The following GSTCD variants were observed in gnomAD, a reference collection of about 807,000 sequenced individuals.
GSTCD encodes glutathione S-transferase C-terminal domain-containing protein.
GSTCD carries 44 observed loss-of-function variants against 68.3 expected under a neutral mutation model. The observed-to-expected ratio is 0.64, with a 90% CI of 0.51 to 0.83. The LOEUF is 0.83. Among genes scored for constraint, GSTCD ranks in the 40% least tolerant of loss-of-function variants. GSTCD has a pLI of 0.00. For missense variants in GSTCD, 739 were observed against 735.9 expected (o/e 1.00, Z -0.05); for synonymous variants, 273 against 255.2 (o/e 1.07, Z -0.67).
chr4:105,828,944 G>A (rs761102557), intron 8 of GSTCD, among the ~76,000 whole-genome samples: 44 of 152,136 alleles, frequency 2.9e-4, no homozygotes, highest in Admixed American at 1.3e-4. Context: ...AACTGAACCA[G>A]AGAGGCACCA....
chr4:105,814,901 A>G (rs961566829), intron 5 of GSTCD, among the ~76,000 whole-genome samples: 1 of 152,220 alleles, frequency 6.6e-6, no homozygotes, highest in African/African-American at 2.4e-5. Context: ...ACTGGAATGC[A>G]AAACTGCCTT....
At chr4:105,711,107 ATAT>A (rs1322219219) in intron 1 of GSTCD, 1 of 152,196 alleles carries the variant, frequency 6.6e-6, no homozygotes, top group East Asian at 1.9e-4. Flanking sequence ...GGTTAAATCT[ATAT>A]TATTGTAATA....
chr4:105,726,018 C>T (rs1733018612), intron 3 of GSTCD, among the ~76,000 whole-genome samples: 1 of 152,016 alleles, frequency 6.6e-6, no homozygotes, highest in Admixed American at 6.6e-5. Context: ...TAAAACCTAG[C>T]AATTTGACTC....
intron 5 of GSTCD, among the ~76,000 whole-genome samples, chr4:105,758,384 G>A (rs1403036385): frequency 1.3e-5 from 2 of 152,172 alleles, no homozygotes; most frequent in Non-Finnish European, 1.5e-5. Flanking sequence ...GGTCATAGGG[G>A]CAGATCCCTC....
In GSTCD at chr4:105,735,130, G is replaced by T. The variant is rs1316102853; in HGVS notation, c.1240+5631G>T. ...CCAGTTAGGCTACTCGGGGGGTCAG[G>T]GACCCACTTGAGGAGGCAATCTGTC... On this transcript the variant is annotated intron_variant, in intron 5 of 11. Coordinates refer to ENST00000515279, the MANE Select transcript of GSTCD (RefSeq NM_001370181.1). 3.3e-5 allele frequency among the ~76,000 whole-genome samples: 5 copies of T among 152,296 alleles called. No homozygotes were observed. The East Asian group carries it at 9.7e-4, about 29-fold the overall frequency.
At chr4:105,836,918 C>A (rs531642117) in intron 9 of GSTCD, among the ~76,000 whole-genome samples, 171 of 152,258 alleles carry the variant, frequency 1.1e-3, no homozygotes, top group African/African-American at 3.7e-3. Flanking sequence ...GAAAGAAGTA[C>A]TCTTTTCAAA....
intron 5 of GSTCD, among the ~76,000 whole-genome samples, chr4:105,737,473 T>C (rs1478300609): frequency 1.3e-5 from 2 of 152,212 alleles, no homozygotes; most frequent in Non-Finnish European, 2.9e-5. Context: ...CTGTATAGGT[T>C]TTTAGTTCAA....
intron 5 of GSTCD, among the ~76,000 whole-genome samples, chr4:105,789,297 G>T (rs72673812): frequency 0.054 from 8,209 of 152,138 alleles, 275 homozygotes; most frequent in Middle Eastern, 0.14. Flanking sequence ...TTTATACAGC[G>T]AGTATTTATT....
intron 4 of GSTCD, 65 bp downstream of exon 4, chr4:105,726,895 C>A: frequency 8.1e-7 from 1 of 1,238,162 alleles, no homozygotes; most frequent in Non-Finnish European, 1.1e-6. Context: ...CATTCTACTC[C>A]AACTTGTAAT....
chr4:105,832,367 T>C (rs748588714), intron 8 of GSTCD, among the ~76,000 whole-genome samples: 4 of 152,216 alleles, frequency 2.6e-5, no homozygotes, highest in Non-Finnish European at 4.4e-5. Flanking sequence ...ACCAAAAACC[T>C]ATTATTAGTA....
rs771618887 is a variant in GSTCD at position 105,756,564 on chromosome 4, ATG to A, written c.1240+27081_1240+27082del. ...TATACGCATACATATATGTATATAT[ATG>A]TGTGTGTGTGTGTGTATATATATAT... On this transcript the variant is annotated intron_variant, in intron 5 of 11. Coordinates refer to ENST00000515279, the MANE Select transcript of GSTCD (RefSeq NM_001370181.1). Among the ~76,000 whole-genome samples the A allele has an allele frequency of 1.1e-3, 117 of 102,414 alleles. 1 individual carries two copies. The highest frequency in any genetic ancestry group is 2.9e-3 in the African/African-American group (92 of 31,662). 67.2% of individuals were successfully genotyped at this position (102,414 alleles called of 152,430 possible). A position where few individuals can be genotyped will look rare whatever the true frequency, so the allele number is the denominator to read the frequency against.
chr4:105,739,354 C>T (rs1359349403), intron 5 of GSTCD, among the ~76,000 whole-genome samples: 1 of 152,086 alleles, frequency 6.6e-6, no homozygotes, highest in Non-Finnish European at 1.5e-5. Flanking sequence ...GTTTTTGTAT[C>T]ATGGTAGTGC....
At chr4:105,841,096 A>G (rs1724315023) in intron 10 of GSTCD, among the ~76,000 whole-genome samples, 2 of 152,126 alleles carry the variant, frequency 1.3e-5, no homozygotes, top group South Asian at 2.1e-4. Context: ...CGGGCAGATC[A>G]CAAGGTCAGG....
At chr4:105,725,334 A>C (rs1022146551) in intron 3 of GSTCD, among the ~76,000 whole-genome samples, 3 of 152,144 alleles carry the variant, frequency 2.0e-5, no homozygotes, top group Non-Finnish European at 4.4e-5. Context: ...TTGTGTGGAC[A>C]TAAATGTTCA....
chr4:105,754,463 G>C (rs1323548814), intron 5 of GSTCD, among the ~76,000 whole-genome samples: 1 of 151,862 alleles, frequency 6.6e-6, no homozygotes, highest in Non-Finnish European at 1.5e-5. Context: ...ATGCTTATTT[G>C]TGGAAAATTG....
intron 3 of GSTCD, among the ~76,000 whole-genome samples, chr4:105,725,923 A>G (rs1204856773): frequency 6.6e-6 from 1 of 152,152 alleles, no homozygotes; most frequent in Non-Finnish European, 1.5e-5. Context: ...TGGAACCTCC[A>G]TGGATTGCTA....
At chr4:105,754,059 A>G (rs1004180293) in intron 5 of GSTCD, among the ~76,000 whole-genome samples, 1 of 151,996 alleles carries the variant, frequency 6.6e-6, no homozygotes, top group East Asian at 1.9e-4. Flanking sequence ...AATTAGTACT[A>G]TTCATTACGA....
intron 2 of GSTCD, 122 bp downstream of exon 2, chr4:105,718,161 A>T (rs961766570): frequency 3.6e-5 from 27 of 750,290 alleles, no homozygotes; most frequent in Non-Finnish European, 5.6e-5. Context: ...AAACCCCAGT[A>T]ACCAATGAAA....
chr4:105,715,267 A>C (rs1380326785), intron 1 of GSTCD, among the ~76,000 whole-genome samples: 2 of 152,196 alleles, frequency 1.3e-5, no homozygotes, highest in African/African-American at 4.8e-5. Flanking sequence ...GTGTTATATT[A>C]ATAATGAAAA....
Sources: gnomAD v4.1 joint callset for allele counts (sites outside exome capture counted in the v4.1 genomes callset) on GRCh38, gnomAD v4.1.1 for gene constraint, MANE v1.5 for transcripts, NCBI Gene and HGNC (gene_info 2026-07-23, HGNC 2026-07-21) for gene names.